PLCL2: variants seen among roughly 807,000 people sequenced by gnomAD.
PLCL2 encodes the protein inactive phospholipase C-like protein 2.
Under a neutral mutation model 79.6 loss-of-function variants are expected in PLCL2, and 4 were observed. That is an observed-to-expected ratio of 0.05 (90% confidence interval 0.02 to 0.11). PLCL2 has a LOEUF of 0.11. Among genes scored for constraint, PLCL2 ranks in the 10% least tolerant of loss-of-function variants. PLCL2 has a pLI of 1.00. For synonymous variants in PLCL2, 484 were observed against 457.7 expected (o/e 1.06, Z -0.73); for missense variants, 895 against 1,291.0 (o/e 0.69, Z 4.70).
intron 1 of PLCL2, among the ~76,000 whole-genome samples, chr3:16,950,604 G>A (rs1354487668): frequency 6.6e-6 from 1 of 151,542 alleles, no homozygotes; most frequent in African/African-American, 2.4e-5. Flanking sequence ...TTTAGCTAGA[G>A]TAAGTCTTAT....
At chr3:17,056,326 CAT>C (rs2064892481) in intron 4 of PLCL2, among the ~76,000 whole-genome samples, 1 of 152,056 alleles carries the variant, frequency 6.6e-6, no homozygotes, top group Non-Finnish European at 1.5e-5. Flanking sequence ...TATATACACA[CAT>C]GTATGTGTGT....
At chr3:16,979,454 C>T (rs1445160233) in intron 1 of PLCL2, among the ~76,000 whole-genome samples, 2 of 93,956 alleles carry the variant, frequency 2.1e-5, no homozygotes, top group African/African-American at 9.2e-5. Context: ...GAACAAAGGT[C>T]TCTGGTTTTC....
chr3:17,089,334 A>T (rs535332796), intron 5 of PLCL2, among the ~76,000 whole-genome samples: 1 of 152,304 alleles, frequency 6.6e-6, no homozygotes, highest in African/African-American at 2.4e-5. Context: ...TCTCTGTACT[A>T]TATTTGTATC....
At chr3:16,923,438 T>C (rs1275803721) in intron 1 of PLCL2, among the ~76,000 whole-genome samples, 1 of 152,212 alleles carries the variant, frequency 6.6e-6, no homozygotes, top group Non-Finnish European at 1.5e-5. Context: ...GGCAGAGGCT[T>C]GGATTTCTGC....
At chr3:16,899,343 G>C (rs1284028812) in intron 1 of PLCL2, among the ~76,000 whole-genome samples, 1 of 152,210 alleles carries the variant, frequency 6.6e-6, no homozygotes, top group Non-Finnish European at 1.5e-5. Context: ...AGGCTTTTCT[G>C]CTGTATCTAA....
chr3:16,961,319 A>G (rs2063752401), intron 1 of PLCL2, among the ~76,000 whole-genome samples: 3 of 152,166 alleles, frequency 2.0e-5, no homozygotes, highest in Admixed American at 6.5e-5. Flanking sequence ...TATTCAGCAC[A>G]TACTTAGTGA....
At chr3:16,947,031 C>G (rs558133971) in intron 1 of PLCL2, among the ~76,000 whole-genome samples, 1 of 135,538 alleles carries the variant, frequency 7.4e-6, no homozygotes, top group South Asian at 2.4e-4. Flanking sequence ...TCATGGCTCA[C>G]TGCAGCCTCG....
At chr3:17,016,321 C>T (rs1471175906) in intron 3 of PLCL2, among the ~76,000 whole-genome samples, 1 of 152,176 alleles carries the variant, frequency 6.6e-6, no homozygotes, top group East Asian at 1.9e-4. Context: ...GATATTTGTG[C>T]ATTTTGTAGA....
chr3:16,991,181 C>G (rs978409408), intron 1 of PLCL2, among the ~76,000 whole-genome samples: 4 of 152,166 alleles, frequency 2.6e-5, no homozygotes, highest in African/African-American at 9.7e-5. Context: ...GAGGGCTAGC[C>G]CTGTGGCTAC....
intron 1 of PLCL2, among the ~76,000 whole-genome samples, chr3:16,938,493 A>G (rs1419512674): frequency 6.6e-6 from 1 of 152,218 alleles, no homozygotes; most frequent in African/African-American, 2.4e-5. Context: ...GGGGAAAGCC[A>G]TAGGCTAAGG....
At chr3:17,076,138 T>C (rs1008005882) in intron 5 of PLCL2, among the ~76,000 whole-genome samples, 7 of 152,198 alleles carry the variant, frequency 4.6e-5, no homozygotes, top group Non-Finnish European at 7.3e-5. Flanking sequence ...TCCCCAGCAG[T>C]GTTGCAAGGG....
chr3:16,944,061 G>T (rs2063579601), intron 1 of PLCL2, among the ~76,000 whole-genome samples: 2 of 152,172 alleles, frequency 1.3e-5, no homozygotes, highest in African/African-American at 2.4e-5. Context: ...ACAGTGCAGG[G>T]ATCCAAATTC....
intron 1 of PLCL2, among the ~76,000 whole-genome samples, chr3:16,954,199 C>T (rs1414888368): frequency 6.6e-6 from 1 of 152,124 alleles, no homozygotes; most frequent in African/African-American, 2.4e-5. Flanking sequence ...ACAACAGTCA[C>T]TGGAGTGTGA....
intron 1 of PLCL2, among the ~76,000 whole-genome samples, chr3:16,964,903 G>A (rs2063790663): frequency 6.6e-6 from 1 of 152,012 alleles, no homozygotes; most frequent in Non-Finnish European, 1.5e-5. Context: ...TGAGTTCATT[G>A]TAGATGCTGG....
intron 1 of PLCL2, among the ~76,000 whole-genome samples, chr3:16,916,117 C>T (rs1258098786): frequency 2.0e-5 from 3 of 152,102 alleles, no homozygotes; most frequent in Non-Finnish European, 4.4e-5. Context: ...AGACGACAGC[C>T]GACTTTAATA....
chr3:17,057,463 A>T (rs1339632100), intron 4 of PLCL2, among the ~76,000 whole-genome samples: 1 of 152,212 alleles, frequency 6.6e-6, no homozygotes, highest in Non-Finnish European at 1.5e-5. Flanking sequence ...AAGAATGTGA[A>T]TGCCTGAAGT....
chr3:17,059,450 G>GTGTGTATATATATACACT (rs149375146), intron 4 of PLCL2, among the ~76,000 whole-genome samples: 72 of 147,188 alleles, frequency 4.9e-4, no homozygotes, highest in African/African-American at 1.3e-3. Flanking sequence ...ATGTGTGTGT[G>GTGTGTATATATATACACT]TGTATATATA....
chr3:17,087,460 T>C (rs142958686), intron 5 of PLCL2, among the ~76,000 whole-genome samples: 237 of 152,308 alleles, frequency 1.6e-3, no homozygotes, highest in Middle Eastern at 0.01. Flanking sequence ...AAGGCAGAAC[T>C]GTGGAGACAA....
chr3:17,081,165 T>C (rs1295084968), intron 5 of PLCL2: 1 of 456,634 alleles, frequency 2.2e-6, no homozygotes, highest in African/African-American at 2.0e-5. Flanking sequence ...TTCTGCTGTG[T>C]TCCTCTCTGC....
Sources: allele counts gnomAD v4.1 joint callset (sites outside exome capture counted in the v4.1 genomes callset), GRCh38; gene constraint gnomAD v4.1.1; transcripts MANE v1.5; gene names NCBI Gene and HGNC (gene_info 2026-07-23, HGNC 2026-07-21).